The following ALK variants were observed in gnomAD, a reference collection of about 807,000 sequenced individuals.
ALK encodes the protein ALK receptor tyrosine kinase, also known as ALK tyrosine kinase receptor.
ALK carries 74 observed loss-of-function variants against 163.1 expected under a neutral mutation model. The ratio of observed to expected loss-of-function variants is 0.45; its 90% confidence interval spans 0.38 to 0.55. The LOEUF is 0.55. Among genes scored for constraint, ALK ranks in the 20% least tolerant of loss-of-function variants. The pLI is 0.00. For missense variants in ALK, 2,063 were observed against 2,105.3 expected (o/e 0.98, Z 0.39); for synonymous variants, 960 against 843.2 (o/e 1.14, Z -2.40).
intron 4 of ALK, among the ~76,000 whole-genome samples, chr2:29,415,571 C>A (rs13384425): frequency 0.023 from 3,471 of 152,270 alleles, 132 homozygotes; most frequent in African/African-American, 0.075. Context: ...AAAACACAGG[C>A]TCCCCAATCA....
rs2148289699 is a variant in ALK at position 29,694,893 on chromosome 2, C to G, written c.909G>C (p.Leu303Phe). 2 of 1,614,112 alleles carry G rather than the reference C, an allele frequency of 1.2e-6. No homozygotes were observed. The highest frequency in any genetic ancestry group is 4.5e-5 in the East Asian group (2 of 44,860). ...IPSEEASQMD[L>F]LDGPGAERSK... Reference sequence around the variant, plus strand: ...AACGCTCTGCCCCAGGCCCATCCAGCAAGTCCATCTGGGAGGCCTCCTCGG... The same window carrying G: ...AACGCTCTGCCCCAGGCCCATCCAGGAAGTCCATCTGGGAGGCCTCCTCGG... Residue 303 changes from leucine (L) to phenylalanine (F), a missense_variant, in exon 3 of 29, where the codon TTG becomes TTC. Physicochemically the swap from Leu to Phe is conservative, Grantham distance 22. Coordinates refer to ENST00000389048, the MANE Select transcript of ALK (RefSeq NM_004304.5).
At chr2:29,596,420 A>G (rs1675218342) in intron 3 of ALK, among the ~76,000 whole-genome samples, 1 of 152,216 alleles carries the variant, frequency 6.6e-6, no homozygotes, top group African/African-American at 2.4e-5. Context: ...TCCAAAACAA[A>G]TCACCCTCTC....
In ALK at chr2:29,705,275, A is replaced by C. The variant is rs1222307929; in HGVS notation, c.788-10261T>G. ...TATATATATATATATATATATATAT[A>C]TATATAAATATATATCTGCTGTGAT... On this transcript the variant is annotated intron_variant, in intron 2 of 28. Transcript: ENST00000389048. 2.3e-3 allele frequency among the ~76,000 whole-genome samples: 113 copies of C among 48,464 alleles called. 1 individual carries two copies. Among genetic ancestry groups the C allele is most frequent in the African/African-American group, 0.021 (110 of 5,158 alleles). 31.8% of individuals were successfully genotyped at this position (48,464 alleles called of 152,430 possible). A position where few individuals can be genotyped will look rare whatever the true frequency, so the allele number is the denominator to read the frequency against.
intron 11 of ALK, among the ~76,000 whole-genome samples, chr2:29,253,884 A>T (rs1558639930): frequency 7.0e-6 from 1 of 142,366 alleles, no homozygotes; most frequent in East Asian, 1.9e-4. Flanking sequence ...AGATAGATAG[A>T]TAGATAGATA....
intron 5 of ALK, among the ~76,000 whole-genome samples, chr2:29,361,945 C>T (rs1409675460): frequency 6.6e-6 from 1 of 152,118 alleles, no homozygotes; most frequent in South Asian, 2.1e-4. Flanking sequence ...TTCATTGTTC[C>T]TCATGAGCCA....
chr2:29,848,703 A>G (rs952596936), intron 1 of ALK, among the ~76,000 whole-genome samples: 2 of 152,186 alleles, frequency 1.3e-5, no homozygotes, highest in Non-Finnish European at 2.9e-5. Context: ...AATGGGTGCC[A>G]GGAGGGTGAG....
chr2:29,746,798 T>C (rs1680216769), intron 1 of ALK, among the ~76,000 whole-genome samples: 1 of 152,236 alleles, frequency 6.6e-6, no homozygotes, highest in Non-Finnish European at 1.5e-5. Context: ...CAGTCCATTG[T>C]GTTTGAACCA....
chr2:29,402,901 C>T (rs1029138567), intron 4 of ALK, among the ~76,000 whole-genome samples: 16 of 152,076 alleles, frequency 1.1e-4, no homozygotes, highest in Admixed American at 3.3e-4. Flanking sequence ...CTTTGTTACC[C>T]CCAATTCTTT....
chr2:29,782,640 AC>A (rs1663865904), intron 1 of ALK, among the ~76,000 whole-genome samples: 2 of 152,200 alleles, frequency 1.3e-5, no homozygotes, highest in East Asian at 1.9e-4. Flanking sequence ...CCCAGGGAAT[AC>A]CTTTAGGAGG....
intron 1 of ALK, among the ~76,000 whole-genome samples, chr2:29,833,340 C>A (rs1665471711): frequency 6.6e-6 from 1 of 152,218 alleles, no homozygotes; most frequent in Non-Finnish European, 1.5e-5. Context: ...GCAGCAGCCT[C>A]CGGGCTTGGC....
At chr2:29,657,277 C>T (rs1300698821) in intron 3 of ALK, among the ~76,000 whole-genome samples, 1 of 152,100 alleles carries the variant, frequency 6.6e-6, no homozygotes, top group East Asian at 1.9e-4. Flanking sequence ...ATTAGAAAGA[C>T]CACTTGACTC....
chr2:29,412,127 A>C (rs545071284), intron 4 of ALK, among the ~76,000 whole-genome samples: 1 of 152,182 alleles, frequency 6.6e-6, no homozygotes, highest in Non-Finnish European at 1.5e-5. Flanking sequence ...CATTGGTTGG[A>C]CCAAAAAGGT....
intron 1 of ALK, among the ~76,000 whole-genome samples, chr2:29,905,449 G>C (rs1265202456): frequency 6.6e-6 from 1 of 152,110 alleles, no homozygotes; most frequent in Non-Finnish European, 1.5e-5. Flanking sequence ...CTGCATTTGT[G>C]CTTCATGACA....
chr2:29,645,542 A>G (rs1372624086), intron 3 of ALK, among the ~76,000 whole-genome samples: 2 of 152,180 alleles, frequency 1.3e-5, no homozygotes, highest in Non-Finnish European at 2.9e-5. Flanking sequence ...TAGAGCTAGT[A>G]GGAGCTTTTT....
intron 1 of ALK, among the ~76,000 whole-genome samples, chr2:29,765,046 T>C (rs897480553): frequency 2.0e-5 from 3 of 152,158 alleles, no homozygotes; most frequent in Admixed American, 2.0e-4. Context: ...ACATATGACG[T>C]GCCTGCTTCC....
chr2:29,543,930 G>A (rs1229458904), intron 3 of ALK, among the ~76,000 whole-genome samples: 2 of 152,136 alleles, frequency 1.3e-5, no homozygotes, highest in East Asian at 3.9e-4. Context: ...CTGAACCAGA[G>A]GCCTCTTAAT....
intron 3 of ALK, among the ~76,000 whole-genome samples, chr2:29,532,559 T>A (rs2148159285): frequency 6.6e-6 from 1 of 152,334 alleles, no homozygotes; most frequent in South Asian, 2.1e-4. Flanking sequence ...AACTCAATAA[T>A]CTCTTAATGT....
At chr2:29,788,899 G>A (rs1442347074) in intron 1 of ALK, among the ~76,000 whole-genome samples, 2 of 152,104 alleles carry the variant, frequency 1.3e-5, no homozygotes, top group African/African-American at 4.8e-5. Context: ...TTTCTATATT[G>A]ACACTTCTTT....
chr2:29,396,836 G>GTTTTTTTTTTTTTTTTTTTTTTTTT (rs10654058), intron 4 of ALK, among the ~76,000 whole-genome samples: 1 of 46,604 alleles, frequency 2.1e-5, no homozygotes, highest in Non-Finnish European at 3.5e-5. Context: ...TGTTACTATG[G>GTTTTTTTTTTTTTTTTTTTTTTTTT]TTTTTTTTTT....
Sources: allele counts gnomAD v4.1 joint callset (sites outside exome capture counted in the v4.1 genomes callset), GRCh38; gene constraint gnomAD v4.1.1; transcripts MANE v1.5; gene names NCBI Gene and HGNC (gene_info 2026-07-23, HGNC 2026-07-21).